The following NKD1 variants were observed in gnomAD, a reference collection of about 807,000 sequenced individuals.
NKD1 encodes protein naked cuticle homolog 1.
In NKD1, 21 loss-of-function variants were observed where a neutral mutation model predicts 56.0. That is an observed-to-expected ratio of 0.38 (90% confidence interval 0.27 to 0.54). The LOEUF (loss-of-function observed/expected upper bound fraction) is 0.54, where lower values mean the gene tolerates loss of function less well. Ranked by LOEUF, NKD1 falls within the 20% of genes least tolerant of loss-of-function variation. NKD1 has a pLI of 0.82. For synonymous variants in NKD1, 263 were observed against 265.7 expected (o/e 0.99, Z 0.10); for missense variants, 578 against 642.7 (o/e 0.90, Z 1.09).
intron 3 of NKD1, among the ~76,000 whole-genome samples, chr16:50,573,661 C>T (rs189467448): frequency 5.9e-5 from 9 of 152,318 alleles, no homozygotes; most frequent in African/African-American, 1.9e-4. Flanking sequence ...GGAGGAGGGT[C>T]GCACCCTCTC....
At chr16:50,617,651 C>T (rs1961992606) in intron 4 of NKD1, among the ~76,000 whole-genome samples, 1 of 152,086 alleles carries the variant, frequency 6.6e-6, no homozygotes, top group African/African-American at 2.4e-5. Flanking sequence ...GGAGCAGTTT[C>T]CAAAGAGAGG....
chr16:50,552,212 C>T (rs1960403621), intron 3 of NKD1: 1 of 152,230 alleles, frequency 6.6e-6, no homozygotes, highest in South Asian at 2.1e-4. Context: ...TATTAAGTGC[C>T]TATATGTGTC....
intron 3 of NKD1, among the ~76,000 whole-genome samples, chr16:50,599,712 A>T (rs566815891): frequency 7.2e-5 from 11 of 152,282 alleles, no homozygotes; most frequent in African/African-American, 2.6e-4. Context: ...AATGCCTTTG[A>T]ACACTGTCTA....
rs1466785886 is a variant in NKD1, at chr16:50,632,794, C to T, written c.823+386C>T. ...TTTATCAGCCTTGACATATGTTGAC[C>T]TCTTGCTCAATTTCACTCCCACAAC... On this transcript the variant is annotated intron_variant, in intron 9 of 9. Transcript: ENST00000268459. The surrounding 1 kb of genome is among the most constrained non-coding windows in gnomAD (Gnocchi z 4.1). 6.6e-6 allele frequency among the ~76,000 whole-genome samples: 1 copy of T among 152,124 alleles called. No individual in the cohort carries two copies. Among genetic ancestry groups the T allele is most frequent in the Non-Finnish European group, 1.5e-5 (1 of 68,038 alleles).
chr16:50,552,844 C>G (rs1960419156), intron 3 of NKD1, among the ~76,000 whole-genome samples: 1 of 152,240 alleles, frequency 6.6e-6, no homozygotes, highest in Admixed American at 6.5e-5. Context: ...GCTAGAGGCT[C>G]TCTGCCTCCC....
rs939953776 is a variant in NKD1, at chr16:50,648,907, GT to G, written c.*15127del. On this transcript the variant is annotated 3_prime_UTR_variant, in exon 10 of 10. Coordinates refer to ENST00000268459, the MANE Select transcript of NKD1 (RefSeq NM_033119.5). ...GAGGACAACACCCTAGAGATGTGGA[GT>G]GGCTAAAAGAAGCCTGTGTTCCTGA... 1.3e-5 allele frequency: 2 copies of G among 152,226 alleles called. No individual in the cohort carries two copies. Among genetic ancestry groups the G allele is most frequent in the African/African-American group, 4.8e-5 (2 of 41,448 alleles). The allele number at this position is 152,226 out of a possible 1,614,324, so 9.4% of individuals were successfully genotyped here.
At chr16:50,614,171 G>A (rs1961911920) in intron 4 of NKD1, among the ~76,000 whole-genome samples, 1 of 152,234 alleles carries the variant, frequency 6.6e-6, no homozygotes, top group Non-Finnish European at 1.5e-5. Context: ...TTACTGCTGT[G>A]GTGCTGGTGC....
rs759484222 is a variant in NKD1, at chr16:50,632,275, C to T, written c.696-6C>T. On this transcript the variant is annotated splice_polypyrimidine_tract_variant and splice_region_variant and intron_variant, in intron 8 of 9. Coordinates refer to ENST00000268459, the MANE Select transcript of NKD1 (RefSeq NM_033119.5). The surrounding 1 kb of genome is among the most constrained non-coding windows in gnomAD (Gnocchi z 4.1). Reference sequence around the variant, plus strand: ...TTATCCCACTCACTTGCCTCCCCTGCCGTAGGTTCCAGGGTGACAGCCGCC... The same window carrying T: ...TTATCCCACTCACTTGCCTCCCCTGTCGTAGGTTCCAGGGTGACAGCCGCC... 87 of 1,613,884 alleles carry T rather than the reference C, an allele frequency of 5.4e-5. 2 individuals carry two copies. The South Asian group carries it at 9.2e-4, about 17-fold the overall frequency.
intron 3 of NKD1, chr16:50,607,765 A>G (rs1961746080): frequency 6.4e-6 from 1 of 155,700 alleles, no homozygotes; most frequent in Non-Finnish European, 1.4e-5. Context: ...CAGAATACCA[A>G]TAAATACAGA....
intron 3 of NKD1, among the ~76,000 whole-genome samples, chr16:50,560,927 C>A (rs755070245): frequency 6.6e-6 from 1 of 151,792 alleles, no homozygotes; most frequent in Non-Finnish European, 1.5e-5. Flanking sequence ...ATTAGAAAAA[C>A]GCTGGTGTGG....
intron 3 of NKD1, among the ~76,000 whole-genome samples, chr16:50,551,151 A>G (rs1425011916): frequency 6.6e-6 from 1 of 151,794 alleles, no homozygotes; most frequent in Non-Finnish European, 1.5e-5. Flanking sequence ...GGAGAGGAAA[A>G]CAAAAGTCTG....
At position 50,633,604 on chromosome 16, in the gene NKD1, C is replaced by T; in HGVS notation, c.1236C>T (p.Gly412=). 6.2e-7 allele frequency: 1 copy of T among 1,610,662 alleles called. No individual in the cohort carries two copies. Among genetic ancestry groups the T allele is most frequent in the African/African-American group, 1.3e-5 (1 of 75,030 alleles). ...ACCGAGCCAAGGAGAGCCAGCAGGG[C>T]TGCCGGGGCCTGCAGGCACCACTGG... is the stretch of plus-strand genomic sequence containing the variant. The part of the protein sequence containing the change: ...HKHRAKESQQ[G]CRGLQAPLAS... Residue 412 remains glycine (G), a synonymous_variant, in exon 10 of 10, where the codon GGC becomes GGT. Coordinates refer to ENST00000268459, the MANE Select transcript of NKD1 (RefSeq NM_033119.5). The surrounding 1 kb of genome is among the most constrained non-coding windows in gnomAD (Gnocchi z 4.9).
intron 3 of NKD1, among the ~76,000 whole-genome samples, chr16:50,554,638 T>G (rs973129313): frequency 4.0e-4 from 61 of 152,156 alleles, no homozygotes; most frequent in Non-Finnish European, 1.3e-4. Flanking sequence ...CTTTGTTTAT[T>G]ATTATTATTT....
At position 50,619,776 on chromosome 16, in the gene NKD1, A is replaced by G. The variant is rs180734394; in HGVS notation, c.260-1826A>G. Among the ~76,000 whole-genome samples, 10 of 152,328 alleles carry G rather than the reference A, an allele frequency of 6.6e-5. No individual in the cohort carries two copies. The East Asian group carries it at 7.7e-4, about 12-fold the overall frequency. Reference sequence around the variant, plus strand: ...TACGGTTGGGGAAACTGAGACATCTAGAGAAGGTATGTGATCCACCCAGGG... The same window carrying G: ...TACGGTTGGGGAAACTGAGACATCTGGAGAAGGTATGTGATCCACCCAGGG... On this transcript the variant is annotated intron_variant, in intron 4 of 9. Transcript: ENST00000268459.
chr16:50,602,185 A>G (rs1961610900), intron 3 of NKD1, among the ~76,000 whole-genome samples: 1 of 152,198 alleles, frequency 6.6e-6, no homozygotes, highest in Non-Finnish European at 1.5e-5. Flanking sequence ...CAGAGATAAC[A>G]GGTCCGCAGG....
intron 6 of NKD1, among the ~76,000 whole-genome samples, chr16:50,626,469 G>A (rs998926345): frequency 2.0e-5 from 3 of 152,032 alleles, no homozygotes; most frequent in African/African-American, 7.3e-5. Context: ...TGAAGGAGGC[G>A]GCAAGGGAGC....
At chr16:50,630,043 C>G (rs1159520582) in intron 6 of NKD1, 143 bp from the exon 7 acceptor site, 4 of 664,384 alleles carry the variant, frequency 6.0e-6, no homozygotes, top group Non-Finnish European at 7.7e-6. Flanking sequence ...AAACGAACCT[C>G]AGACATCCAG....
chr16:50,570,176 T>A (rs886957768), intron 3 of NKD1, among the ~76,000 whole-genome samples: 3 of 152,214 alleles, frequency 2.0e-5, no homozygotes, highest in African/African-American at 7.2e-5. Context: ...AAAATTAATG[T>A]CACCTGTTTC....
In NKD1 at chr16:50,633,157, G is replaced by A. The variant is rs1962383290; in HGVS notation, c.824-35G>A. The A allele has an allele frequency of 1.9e-6, 3 of 1,557,462 alleles. No individual in the cohort carries two copies. Among genetic ancestry groups the A allele is most frequent in the South Asian group, 2.4e-5 (2 of 82,912 alleles). ...ATAGCGCAAGCCCCAGCACACAGTA[G>A]GTGCTCATTAAATGTCTGTTGAATT... is the stretch of plus-strand genomic sequence containing the variant. On this transcript the variant is annotated intron_variant, in intron 9 of 9. Coordinates refer to ENST00000268459, the MANE Select transcript of NKD1 (RefSeq NM_033119.5). The surrounding 1 kb of genome is among the most constrained non-coding windows in gnomAD (Gnocchi z 4.9).
Sources: gnomAD v4.1 joint callset for allele counts (sites outside exome capture counted in the v4.1 genomes callset) on GRCh38, gnomAD v4.1.1 for gene constraint, Gnocchi (gnomAD v3.1) non-coding constraint, MANE v1.5 for transcripts, NCBI Gene and HGNC (gene_info 2026-07-23, HGNC 2026-07-21) for gene names.